Variants in BTBD9 observed in about 807,000 individuals in gnomAD.
The protein encoded by BTBD9 is BTB/POZ domain-containing protein 9.
BTBD9 carries 49 observed loss-of-function variants against 64.3 expected under a neutral mutation model. That is an observed-to-expected ratio of 0.76 (90% CI 0.61 to 0.97). BTBD9 has a LOEUF of 0.97. Ranked by LOEUF, BTBD9 falls within the 50% of genes least tolerant of loss-of-function variation. The probability of loss-of-function intolerance (pLI) is 0.00; values close to 1 mark genes in which losing one functional copy is unlikely to be tolerated. For synonymous variants in BTBD9, 260 were observed against 274.7 expected (o/e 0.95, Z 0.53); for missense variants, 598 against 762.1 (o/e 0.78, Z 2.53).
chr6:38,266,447 C>T (rs1395998892), intron 8 of BTBD9, among the ~76,000 whole-genome samples: 1 of 151,950 alleles, frequency 6.6e-6, no homozygotes, highest in Non-Finnish European at 1.5e-5. Flanking sequence ...GCAGCGTGCA[C>T]CTGTAATCCC....
chr6:38,385,930 G>A lies in BTBD9; in HGVS notation c.1155-40837C>T, dbSNP rs1478430900. On this transcript the variant is annotated intron_variant, in intron 6 of 10. Coordinates refer to ENST00000481247, the MANE Select transcript of BTBD9 (RefSeq NM_001099272.2). ...ATGCCTTAGCCTCCTGAGTAGCTGG[G>A]ACTACAGGTGCATGCCACCATGCCT... Among the ~76,000 whole-genome samples the A allele has an allele frequency of 2.0e-5, 3 of 151,742 alleles. No individual in the cohort carries two copies. In the East Asian group the frequency reaches 5.8e-4, roughly 29 times the overall value.
Position 38,507,732 on chromosome 6 carries a change from G to C in BTBD9, c.1154+69868C>G, listed in dbSNP as rs181118998. On this transcript the variant is annotated intron_variant, in intron 6 of 10. Coordinates refer to ENST00000481247, the MANE Select transcript of BTBD9 (RefSeq NM_001099272.2). ...TTTCCTGAAACGTTAGTGCTTCTAA[G>C]GATTCCATCCTAGACCTTCTCTCTA... Among the ~76,000 whole-genome samples, 250 of 151,790 alleles carry C rather than the reference G, an allele frequency of 1.6e-3. 1 individual carries two copies. Among genetic ancestry groups the C allele is most frequent in the African/African-American group, 5.8e-3 (238 of 41,366 alleles).
chr6:38,464,616 C>T (rs896615452), intron 6 of BTBD9, among the ~76,000 whole-genome samples: 26 of 152,148 alleles, frequency 1.7e-4, no homozygotes, highest in African/African-American at 6.0e-4. Context: ...CTGCCTTAGC[C>T]TCCCAAGGAG....
chr6:38,624,060 C>T (rs1778089071), intron 1 of BTBD9, among the ~76,000 whole-genome samples: 1 of 152,178 alleles, frequency 6.6e-6, no homozygotes, highest in Admixed American at 6.5e-5. Flanking sequence ...AGCTACACTT[C>T]CTGGGTTGAG....
At chr6:38,597,229 C>T (rs1777073759) in intron 2 of BTBD9, among the ~76,000 whole-genome samples, 1 of 152,158 alleles carries the variant, frequency 6.6e-6, no homozygotes, top group Non-Finnish European at 1.5e-5. Context: ...TTCTCTAATC[C>T]AATGGAATCT....
At position 38,401,770 on chromosome 6, in the gene BTBD9, C is replaced by T. The variant is rs150243499; in HGVS notation, c.1155-56677G>A. On this transcript the variant is annotated intron_variant, in intron 6 of 10. Transcript: ENST00000481247. ...AGTTCCAGCTCTGCCACTGATTTAT[C>T]GTAGGACTATGGACAAGGATTCTTC... is the stretch of plus-strand genomic sequence containing the variant. 1.8e-4 allele frequency among the ~76,000 whole-genome samples: 28 copies of T among 152,234 alleles called. No homozygotes were observed. The East Asian group carries it at 4.2e-3, about 23-fold the overall frequency.
chr6:38,521,132 TAA>T (rs11334534), intron 6 of BTBD9, among the ~76,000 whole-genome samples: 9 of 143,814 alleles, frequency 6.3e-5, no homozygotes, highest in African/African-American at 1.3e-4. Flanking sequence ...TGAAAATAAT[TAA>T]AAAAAAAAAA....
intron 6 of BTBD9, among the ~76,000 whole-genome samples, chr6:38,499,124 C>A (rs1772084761): frequency 6.6e-6 from 1 of 151,060 alleles, no homozygotes; most frequent in Admixed American, 6.6e-5. Flanking sequence ...ACTATTTTGA[C>A]AGGAGGTTAA....
intron 6 of BTBD9, among the ~76,000 whole-genome samples, chr6:38,358,737 G>A (rs552862060): frequency 2.6e-4 from 39 of 151,728 alleles, no homozygotes; most frequent in African/African-American, 8.7e-4. Context: ...AGGATTTAAA[G>A]ACAATAATAA....
chr6:38,358,973 T>A (rs1040930780), intron 6 of BTBD9, among the ~76,000 whole-genome samples: 1 of 151,738 alleles, frequency 6.6e-6, no homozygotes, highest in Admixed American at 6.6e-5. Context: ...GGGTTTCACC[T>A]TGTTAGCCAG....
chr6:38,635,922 C>A (rs1322358650), intron 1 of BTBD9, among the ~76,000 whole-genome samples: 1 of 152,084 alleles, frequency 6.6e-6, no homozygotes, highest in African/African-American at 2.4e-5. Flanking sequence ...CTGATTTAAA[C>A]GTCCAAAAGT....
intron 7 of BTBD9, among the ~76,000 whole-genome samples, chr6:38,333,875 A>G (rs1763777147): frequency 6.6e-6 from 1 of 152,216 alleles, no homozygotes; most frequent in African/African-American, 2.4e-5. Flanking sequence ...GCAACTTTGG[A>G]ACTGGGTAAT....
chr6:38,545,956 C>G (rs529639022), intron 6 of BTBD9, among the ~76,000 whole-genome samples: 7 of 150,676 alleles, frequency 4.6e-5, no homozygotes, highest in Non-Finnish European at 7.4e-5. Context: ...AGCAGGCAGA[C>G]CAGGTATCAA....
intron 6 of BTBD9, among the ~76,000 whole-genome samples, chr6:38,409,826 AAAAT>A (rs778588215): frequency 2.7e-4 from 41 of 152,010 alleles, no homozygotes; most frequent in Non-Finnish European, 5.7e-4. Flanking sequence ...TCTGTATCAA[AAAAT>A]AAATAAATAA....
chr6:38,582,186 A>G (rs1270097563), intron 4 of BTBD9, among the ~76,000 whole-genome samples: 1 of 152,254 alleles, frequency 6.6e-6, no homozygotes, highest in Non-Finnish European at 1.5e-5. Flanking sequence ...GCAAAAATAA[A>G]CAAAACATCC....
intron 9 of BTBD9, among the ~76,000 whole-genome samples, chr6:38,227,793 C>T (rs1210424244): frequency 1.3e-5 from 2 of 152,228 alleles, no homozygotes; most frequent in South Asian, 2.1e-4. Flanking sequence ...CTCTGATTAG[C>T]AGCCAGACTG....
chr6:38,439,365 T>G (rs1343261171), intron 6 of BTBD9, among the ~76,000 whole-genome samples: 1 of 151,938 alleles, frequency 6.6e-6, no homozygotes, highest in Non-Finnish European at 1.5e-5. Flanking sequence ...TGACCTCCAG[T>G]GATCTGCCTA....
intron 9 of BTBD9, among the ~76,000 whole-genome samples, chr6:38,195,830 AG>A (rs1388925048): frequency 6.6e-6 from 1 of 152,264 alleles, no homozygotes; most frequent in Non-Finnish European, 1.5e-5. Flanking sequence ...ATTAAAACAT[AG>A]ATGTCTATAA....
In BTBD9 at chr6:38,286,638, T is replaced by A. The variant is rs772420984; in HGVS notation, c.1454+1634A>T. 4.2e-4 allele frequency among the ~76,000 whole-genome samples: 64 copies of A among 152,178 alleles called. 1 individual carries two copies. The highest frequency in any genetic ancestry group is 2.6e-4 in the Admixed American group (4 of 15,274). ...TTACTTAAGACCCAGATGGCAATCTTCAACTAAAAGTATAGTCATGCACTG... is the reference window on the plus strand; with the variant it reads ...TTACTTAAGACCCAGATGGCAATCTACAACTAAAAGTATAGTCATGCACTG... On this transcript the variant is annotated intron_variant, in intron 8 of 10. Coordinates refer to ENST00000481247, the MANE Select transcript of BTBD9 (RefSeq NM_001099272.2).
Sources: gnomAD v4.1 joint callset for allele counts (sites outside exome capture counted in the v4.1 genomes callset) on GRCh38, gnomAD v4.1.1 for gene constraint, MANE v1.5 for transcripts, NCBI Gene and HGNC (gene_info 2026-07-23, HGNC 2026-07-21) for gene names.